Variants in PER3 observed in about 807,000 individuals in gnomAD.
PER3 encodes period circadian regulator 3, also known as period circadian protein homolog 3.
PER3 carries 107 observed loss-of-function variants against 127.2 expected under a neutral mutation model. The observed-to-expected ratio is 0.84, with a 90% confidence interval of 0.72 to 0.99. The LOEUF (loss-of-function observed/expected upper bound fraction) is 0.99, where lower values mean the gene tolerates loss of function less well. Ranked by LOEUF, PER3 falls within the 50% of genes least tolerant of loss-of-function variation. The pLI, the probability that PER3 is intolerant of heterozygous loss-of-function variation, is 0.00. For synonymous variants in PER3, 618 were observed against 585.8 expected (o/e 1.05, Z -0.79); for missense variants, 1,560 against 1,525.8 (o/e 1.02, Z -0.37).
chr1:7,835,902 C>T lies in PER3; in HGVS notation c.3355C>T (p.Gln1119Ter). The T allele has an allele frequency of 1.2e-6, 2 of 1,611,414 alleles. No individual in the cohort carries two copies. The highest frequency in any genetic ancestry group is 2.2e-5 in the South Asian group (2 of 91,034). ...AEEPIWRMIR[Q>*]TPERILMTYQ... ...AGAGCCCATCTGGAGAATGATACGG[C>T]AGACACCTGAGCGCATTCTCATGAC... Residue 1119 changes from glutamine to a stop codon, truncating the protein, a stop_gained, in exon 20 of 22, where the codon CAG (glutamine) becomes TAG (stop). Coordinates refer to ENST00000377532, the MANE Select transcript of PER3 (RefSeq NM_001377275.1). LOFTEE classifies it high-confidence loss of function.
At chr1:7,795,793 G>C (rs2097142842) in intron 6 of PER3, among the ~76,000 whole-genome samples, 2 of 152,242 alleles carry the variant, frequency 1.3e-5, no homozygotes, top group Non-Finnish European at 1.5e-5. Context: ...TAACACAAAA[G>C]AAGAGAAGAT....
intron 10 of PER3, among the ~76,000 whole-genome samples, chr1:7,806,812 A>AAATATATATATAT (rs61141023): frequency 2.6e-4 from 16 of 60,628 alleles, no homozygotes; most frequent in African/African-American, 1.1e-3. Context: ...AAAAAAAAAA[A>AAATATATATATAT]ATATATATAT....
chr1:7,799,969 G>T (rs1430795291), intron 7 of PER3, among the ~76,000 whole-genome samples: 1 of 151,764 alleles, frequency 6.6e-6, no homozygotes, highest in African/African-American at 2.4e-5. Context: ...GTAGAGACAG[G>T]GTCACACTAT....
intron 14 of PER3, among the ~76,000 whole-genome samples, chr1:7,819,792 A>ATTT (rs35861261): frequency 2.1e-5 from 3 of 145,648 alleles, no homozygotes; most frequent in African/African-American, 5.0e-5. Flanking sequence ...TTTTTGTGTG[A>ATTT]TTTTTTTTTT....
At chr1:7,808,848 T>G in intron 10 of PER3, 45 bp from the exon 11 acceptor site, 1 of 992,546 alleles carries the variant, frequency 1.0e-6, no homozygotes, top group Non-Finnish European at 1.6e-6. Flanking sequence ...CACTTTCGAC[T>G]TCATTTAAAT....
rs368236603 is a variant in PER3, at chr1:7,835,711, C to G, written c.3215-51C>G. On this transcript the variant is annotated intron_variant, in intron 19 of 21. Coordinates refer to ENST00000377532, the MANE Select transcript of PER3 (RefSeq NM_001377275.1). ...GTCTGAAGAATGAGAGCCAGTTTGG[C>G]AAATCAGTCGGACAGGTCTTTTCTA... is the stretch of plus-strand genomic sequence containing the variant. The G allele has an allele frequency of 3.0e-6, 4 of 1,338,062 alleles. No individual in the cohort carries two copies. In the Admixed American group the frequency reaches 7.4e-5, roughly 25 times the overall value. 82.9% of individuals were successfully genotyped at this position (1,338,062 alleles called of 1,614,324 possible).
chr1:7,827,766 C>T lies in PER3; in HGVS notation c.2837C>T (p.Ser946Phe), dbSNP rs955130379. The T allele has an allele frequency of 1.9e-6, 3 of 1,614,026 alleles. No homozygotes were observed. Among genetic ancestry groups the T allele is most frequent in the Admixed American group, 3.3e-5 (2 of 60,028 alleles). The change falls in exon 18 of 22, where the codon TCT becomes TTT. Residue 946 changes from serine to phenylalanine, a missense_variant. By Grantham distance (155) the Ser-to-Phe change is radical. Around this residue, in one of 3 missense-constraint regions of PER3, gnomAD observed 1,332 missense variants for 1,223.6 expected, o/e 1.09. Coordinates refer to ENST00000377532, the MANE Select transcript of PER3 (RefSeq NM_001377275.1). ...CTTCAGGAAGAGATGCCCAGACCCT[C>T]TGAATCTCCAGATCAGATGAGAAGG... ...NLLQEEMPRP[S>F]ESPDQMRRNT...
At chr1:7,820,083 TAAG>T (rs1165467238) in intron 14 of PER3, 29 bp from the exon 15 acceptor site, 1 of 1,607,470 alleles carries the variant, frequency 6.2e-7, no homozygotes, top group Non-Finnish European at 8.5e-7. Context: ...AGGGAACAGG[TAAG>T]AATGTGTGGC....
chr1:7,792,552 G>T (rs780701860), intron 5 of PER3, among the ~76,000 whole-genome samples: 14 of 152,106 alleles, frequency 9.2e-5, no homozygotes, highest in Admixed American at 2.0e-4. Context: ...TTGTACTTTT[G>T]CCTTATGAAT....
intron 13 of PER3, 52 bp from the exon 14 acceptor site, chr1:7,819,233 C>G (rs899790472): frequency 9.2e-6 from 14 of 1,528,086 alleles, no homozygotes; most frequent in Non-Finnish European, 1.3e-5. Flanking sequence ...AGTATATGTT[C>G]TTAATTACAT....
intron 13 of PER3, among the ~76,000 whole-genome samples, chr1:7,816,408 A>C (rs748537834): frequency 1.9e-4 from 29 of 152,352 alleles, no homozygotes; most frequent in Non-Finnish European, 3.8e-4. Flanking sequence ...ACCCAATCTT[A>C]TCTGAAAGGC....
At chr1:7,834,175 C>T (rs2097346577) in intron 19 of PER3, among the ~76,000 whole-genome samples, 1 of 152,234 alleles carries the variant, frequency 6.6e-6, no homozygotes, top group Admixed American at 6.5e-5. Context: ...CCGCCTTGGC[C>T]TCCCAAAGTG....
rs761709069 is a variant in PER3, at chr1:7,784,881, C to T, written c.4C>T (p.Pro2Ser). The T allele has an allele frequency of 1.7e-4, 261 of 1,504,140 alleles. No individual in the cohort carries two copies. The highest frequency in any genetic ancestry group is 2.3e-4 in the Non-Finnish European group (257 of 1,138,502). 93.2% of individuals were successfully genotyped at this position (1,504,140 alleles called of 1,614,324 possible). M[P>S]RGEAPGPGRR... ...GGAGCCCCGCGGAGACCTCGAGATG[C>T]CCCGCGGGGAAGCTCCTGGCCCCGG... The change falls in exon 2 of 22, where the codon CCC becomes TCC. Residue 2 changes from proline (P) to serine (S), a missense_variant. This residue lies in a region of PER3 where 1,332 missense variants were observed against 1,223.6 expected (regional missense o/e 1.09). Coordinates refer to ENST00000377532, the MANE Select transcript of PER3 (RefSeq NM_001377275.1).
chr1:7,828,236 T>C (rs1172709649), intron 18 of PER3, among the ~76,000 whole-genome samples: 6 of 152,252 alleles, frequency 3.9e-5, no homozygotes, highest in African/African-American at 1.4e-4. Context: ...TACTTCTTCA[T>C]GCACAGTCAC....
At chr1:7,792,299 AACTC>A (rs200767297) in intron 5 of PER3, among the ~76,000 whole-genome samples, 2,017 of 152,238 alleles carry the variant, frequency 0.013, 18 homozygotes, top group Middle Eastern at 0.068. Flanking sequence ...CTCTCATGAG[AACTC>A]ACTATCACGA....
intron 10 of PER3, among the ~76,000 whole-genome samples, chr1:7,806,811 AAATATATAT>A (rs1330923811): frequency 1.3e-5 from 1 of 79,402 alleles, no homozygotes; most frequent in African/African-American, 4.9e-5. Flanking sequence ...AAAAAAAAAA[AAATATATAT>A]ATATATATAT....
intron 5 of PER3, among the ~76,000 whole-genome samples, chr1:7,790,974 A>G (rs192147894): frequency 6.6e-6 from 1 of 152,334 alleles, no homozygotes; most frequent in East Asian, 1.9e-4. Context: ...TGCAGGGTAC[A>G]GCCTCCCTTA....
rs749838660 is a variant in PER3, at chr1:7,827,489, A to G, written c.2560A>G (p.Thr854Ala). ...AGCTTTCCCTTTTCCTTACTTGGAT[A>G]CTTTTATGACCGTTTTCCTGCCTGA... is the stretch of plus-strand genomic sequence containing the variant. The part of the protein sequence containing the change: ...YPAFPFPYLD[T>A]FMTVFLPDPP... The change falls in exon 18 of 22, where the codon ACT (threonine) becomes GCT (alanine). Residue 854 changes from threonine (T) to alanine (A), a missense_variant. Physicochemically the swap from Thr to Ala is moderately conservative, Grantham distance 58 (BLOSUM62 0). Coordinates refer to ENST00000377532, the MANE Select transcript of PER3 (RefSeq NM_001377275.1). 1.9e-6 allele frequency: 3 copies of G among 1,614,140 alleles called. No homozygotes were observed. The highest frequency in any genetic ancestry group is 2.2e-5 in the South Asian group (2 of 91,074).
intron 11 of PER3, among the ~76,000 whole-genome samples, chr1:7,809,346 T>C (rs1302986917): frequency 6.6e-6 from 1 of 152,212 alleles, no homozygotes; most frequent in Non-Finnish European, 1.5e-5. Context: ...ATGGTAGGTC[T>C]CAGTTTCTCT....
Sources: gnomAD v4.1 joint callset for allele counts (sites outside exome capture counted in the v4.1 genomes callset) on GRCh38, gnomAD v4.1.1 for gene constraint, gnomAD v4.1.1 regional missense constraint, MANE v1.5 for transcripts, NCBI Gene and HGNC (gene_info 2026-07-23, HGNC 2026-07-21) for gene names.